Variants in ADAM10 observed in about 807,000 individuals in gnomAD.
The protein encoded by ADAM10 is ADAM metallopeptidase domain 10.
Under a neutral mutation model 90.1 loss-of-function variants are expected in ADAM10, and 17 were observed. The ratio of observed to expected loss-of-function variants is 0.19; its 90% CI spans 0.13 to 0.28. The LOEUF is 0.28. Among genes scored for constraint, ADAM10 ranks in the 10% least tolerant of loss-of-function variants. The pLI is 1.00. For synonymous variants in ADAM10, 310 were observed against 298.6 expected (o/e 1.04, Z -0.40); for missense variants, 610 against 914.3 (o/e 0.67, Z 4.29).
intron 1 of ADAM10, among the ~76,000 whole-genome samples, chr15:58,746,486 G>C (rs1344012504): frequency 1.3e-5 from 2 of 152,216 alleles, no homozygotes; most frequent in Non-Finnish European, 2.9e-5. Context: ...CATAGGATGG[G>C]ACTGTGCCGG....
intron 3 of ADAM10, 144 bp from the exon 4 acceptor site, chr15:58,679,426 T>C: frequency 1.3e-6 from 1 of 760,300 alleles, no homozygotes; most frequent in South Asian, 1.7e-5. Flanking sequence ...TGAATATAAA[T>C]TTACTATGGA....
intron 9 of ADAM10, among the ~76,000 whole-genome samples, chr15:58,629,895 T>C (rs1221004941): frequency 2.0e-5 from 3 of 151,982 alleles, no homozygotes; most frequent in Non-Finnish European, 2.9e-5. Context: ...GCTTCTCGAG[T>C]AGCTGGGACT....
At chr15:58,601,495 CTT>C (rs1264616820) in intron 14 of ADAM10, among the ~76,000 whole-genome samples, 2 of 151,998 alleles carry the variant, frequency 1.3e-5, no homozygotes, top group African/African-American at 4.8e-5. Context: ...AAAAGAAAAA[CTT>C]TTAAAAATCT....
At chr15:58,704,572 T>A (rs1898225980) in intron 2 of ADAM10, among the ~76,000 whole-genome samples, 1 of 152,206 alleles carries the variant, frequency 6.6e-6, no homozygotes, top group Admixed American at 6.5e-5. Context: ...AATAAATTTT[T>A]AAAAATCACT....
chr15:58,742,929 T>C (rs1344024176), intron 1 of ADAM10, among the ~76,000 whole-genome samples: 7 of 152,110 alleles, frequency 4.6e-5, no homozygotes, highest in African/African-American at 1.4e-4. Flanking sequence ...CATGGTGGCG[T>C]GTGCCTGTGG....
chr15:58,654,110 G>A (rs539069873), intron 5 of ADAM10, among the ~76,000 whole-genome samples: 1 of 150,958 alleles, frequency 6.6e-6, no homozygotes, highest in Admixed American at 6.6e-5. Flanking sequence ...TCTTAGTCTG[G>A]CTAAAGGTTT....
chr15:58,617,498 AACAAG>A (rs1322197167), intron 11 of ADAM10, among the ~76,000 whole-genome samples: 2 of 152,174 alleles, frequency 1.3e-5, no homozygotes, highest in Non-Finnish European at 2.9e-5. Context: ...AAAGAACTAG[AACAAG>A]ACAAGAATGT....
At chr15:58,740,489 T>C (rs1262162440) in intron 1 of ADAM10, among the ~76,000 whole-genome samples, 1 of 152,200 alleles carries the variant, frequency 6.6e-6, no homozygotes, top group Non-Finnish European at 1.5e-5. Context: ...ATGATTTCAT[T>C]TTTTACTACT....
At chr15:58,705,283 A>C (rs1377944033) in intron 2 of ADAM10, among the ~76,000 whole-genome samples, 8 of 152,186 alleles carry the variant, frequency 5.3e-5, no homozygotes, top group African/African-American at 1.9e-4. Flanking sequence ...TCCACTGGGA[A>C]TGTTTTCCTA....
rs140101374 is a variant in ADAM10, at chr15:58,638,713, G to T, written c.1012+2064C>A. ...CAGGAAAATGAGCAGCATCACAAATGGTGATCCAAATATCACAAACAATGA... is the reference window on the plus strand; with the variant it reads ...CAGGAAAATGAGCAGCATCACAAATTGTGATCCAAATATCACAAACAATGA... On this transcript the variant is annotated intron_variant, in intron 8 of 15. Transcript: ENST00000260408. Among the ~76,000 whole-genome samples, 519 of 151,568 alleles carry T rather than the reference G, an allele frequency of 3.4e-3. 6 individuals carry two copies. Among genetic ancestry groups the T allele is most frequent in the African/African-American group, 0.012 (488 of 41,282 alleles).
chr15:58,717,531 T>G, intron 2 of ADAM10, 46 bp downstream of exon 2: 1 of 1,608,716 alleles, frequency 6.2e-7, no homozygotes. Context: ...TAACTTAGAT[T>G]GAATATAGAG....
At chr15:58,606,372 G>GT (rs1328486593) in intron 14 of ADAM10, among the ~76,000 whole-genome samples, 1 of 152,190 alleles carries the variant, frequency 6.6e-6, no homozygotes, top group Non-Finnish European at 1.5e-5. Flanking sequence ...ACCTGGGCAA[G>GT]TAAGATAAAA....
At chr15:58,673,759 G>C (rs1343115566) in intron 4 of ADAM10, among the ~76,000 whole-genome samples, 1 of 149,956 alleles carries the variant, frequency 6.7e-6, no homozygotes, top group Non-Finnish European at 1.5e-5. Flanking sequence ...TTCTGAGACA[G>C]AGTCTCACTC....
Position 58,746,122 on chromosome 15 carries a change from C to G in ADAM10, c.55+3358G>C, listed in dbSNP as rs144228584. 1.6e-4 allele frequency among the ~76,000 whole-genome samples: 24 copies of G among 152,256 alleles called. No homozygotes were observed. In the East Asian group the frequency reaches 3.7e-3, roughly 23 times the overall value. ...GTTTAAGGTCAAACCAGCTTGAGTT[C>G]GAATGTCCAATTCACCACTAAGTGG... On this transcript the variant is annotated intron_variant, in intron 1 of 15. Coordinates refer to ENST00000260408, the MANE Select transcript of ADAM10 (RefSeq NM_001110.4).
intron 10 of ADAM10, among the ~76,000 whole-genome samples, chr15:58,621,902 T>C (rs1175886993): frequency 6.6e-6 from 1 of 152,176 alleles, no homozygotes; most frequent in Non-Finnish European, 1.5e-5. Flanking sequence ...TAGGCCATGC[T>C]ACATTGAGCT....
chr15:58,603,209 T>G (rs1895162981), intron 14 of ADAM10, among the ~76,000 whole-genome samples: 1 of 152,198 alleles, frequency 6.6e-6, no homozygotes, highest in South Asian at 2.1e-4. Context: ...TTCCATAGAC[T>G]CCTATTGTTT....
intron 2 of ADAM10, among the ~76,000 whole-genome samples, chr15:58,716,055 TC>T (rs1169808546): frequency 6.6e-6 from 1 of 152,162 alleles, no homozygotes; most frequent in African/African-American, 2.4e-5. Flanking sequence ...TAAATCTTTT[TC>T]CCTCCTTCAG....
At chr15:58,605,186 A>T (rs977599287) in intron 14 of ADAM10, among the ~76,000 whole-genome samples, 1 of 152,242 alleles carries the variant, frequency 6.6e-6, no homozygotes, top group Admixed American at 6.5e-5. Context: ...CAACAGATGT[A>T]TAATAAAATA....
intron 15 of ADAM10, 66 bp from the exon 16 acceptor site, chr15:58,597,707 A>C (rs1894996395): frequency 1.3e-6 from 2 of 1,573,592 alleles, no homozygotes; most frequent in South Asian, 2.3e-5. Context: ...TTAAAAGCAA[A>C]GCTGCTGTTT....
Sources: allele counts gnomAD v4.1 joint callset (sites outside exome capture counted in the v4.1 genomes callset), GRCh38; gene constraint gnomAD v4.1.1; transcripts MANE v1.5; gene names NCBI Gene and HGNC (gene_info 2026-07-23, HGNC 2026-07-21).